The following MAP3K7CL variants were observed in gnomAD, a reference collection of about 807,000 sequenced individuals.
MAP3K7CL encodes MAP3K7 C-terminal like.
MAP3K7CL carries 16 observed loss-of-function variants against 18.6 expected under a neutral mutation model. The observed-to-expected ratio is 0.86, with a 90% CI of 0.58 to 1.31. MAP3K7CL has a LOEUF of 1.31. Among genes scored for constraint, MAP3K7CL ranks in the 50% most tolerant of loss-of-function variants. MAP3K7CL has a pLI of 0.00. For synonymous variants in MAP3K7CL, 65 were observed against 66.8 expected, an observed-to-expected ratio of 0.97 and a Z score of 0.13; for missense variants, 163 against 174.4, an observed-to-expected ratio of 0.93 and a Z score of 0.37.
At chr21:29,109,023 A>T in intron 4 of MAP3K7CL, 1 of 1,511,998 alleles carries the variant, frequency 6.6e-7, no homozygotes, top group East Asian at 2.5e-5. Context: ...GAATCAGAAA[A>T]TTCTACTTCC....
At chr21:29,140,105 C>G (rs1316878398) in intron 2 of MAP3K7CL, among the ~76,000 whole-genome samples, 1 of 152,118 alleles carries the variant, frequency 6.6e-6, no homozygotes, top group African/African-American at 2.4e-5. Flanking sequence ...TGACAACATT[C>G]AGTCACAAGT....
chr21:29,146,238 G>A (rs1241145745), intron 2 of MAP3K7CL, among the ~76,000 whole-genome samples: 3 of 152,114 alleles, frequency 2.0e-5, no homozygotes, highest in Non-Finnish European at 4.4e-5. Context: ...GCTTGTCTAT[G>A]ATTATTAGGG....
At chr21:29,093,024 C>T (rs2086057233) in intron 4 of MAP3K7CL, among the ~76,000 whole-genome samples, 1 of 152,192 alleles carries the variant, frequency 6.6e-6, no homozygotes, top group African/African-American at 2.4e-5. Flanking sequence ...CTGCTTCAGC[C>T]TCCTGAGTAG....
At chr21:29,106,402 G>A (rs1038573828) in intron 4 of MAP3K7CL, among the ~76,000 whole-genome samples, 1 of 152,096 alleles carries the variant, frequency 6.6e-6, no homozygotes, top group African/African-American at 2.4e-5. Flanking sequence ...GGCTGGTCTC[G>A]AATCCCTGAC....
At chr21:29,099,965 C>A (rs972815571) in intron 4 of MAP3K7CL, among the ~76,000 whole-genome samples, 1 of 152,068 alleles carries the variant, frequency 6.6e-6, no homozygotes, top group Non-Finnish European at 1.5e-5. Context: ...CGCCTGTAGT[C>A]CCAGCTACTC....
At chr21:29,102,251 T>C (rs1302313031) in intron 4 of MAP3K7CL, among the ~76,000 whole-genome samples, 1 of 152,204 alleles carries the variant, frequency 6.6e-6, no homozygotes, top group Non-Finnish European at 1.5e-5. Context: ...TCTTGTGCAG[T>C]GCACAAAAGG....
Position 29,130,742 on chromosome 21 carries a change from T to A in MAP3K7CL, c.-221T>A, listed in dbSNP as rs2086763795. 1.0e-6 allele frequency: 1 copy of A among 985,412 alleles called. No homozygotes were observed. The highest frequency in any genetic ancestry group is 1.7e-5 in the African/African-American group (1 of 57,228). 61.0% of individuals were successfully genotyped at this position (985,412 alleles called of 1,614,324 possible). A position where few individuals can be genotyped will look rare whatever the true frequency, so the allele number is the denominator to read the frequency against. On this transcript the variant is annotated 5_prime_UTR_variant, in exon 1 of 5. Transcript: ENST00000399928. ...GGAGGTCCCGTGGGACGCTGGGGTC[T>A]GGGGCAGAGCAGGTAGCAGCGTGCT...
upstream of MAP3K7CL, among the ~76,000 whole-genome samples, chr21:29,126,054 A>G (rs1487207862): frequency 2.6e-5 from 4 of 152,136 alleles, no homozygotes; most frequent in Non-Finnish European, 4.4e-5. Context: ...TTTTATGGGG[A>G]TGGAGTTGGG....
chr21:29,099,401 A>G (rs572434011), intron 4 of MAP3K7CL, among the ~76,000 whole-genome samples: 1 of 150,768 alleles, frequency 6.6e-6, no homozygotes, highest in East Asian at 2.0e-4. Context: ...CACTGCGCCC[A>G]GCTAAAATAC....
intron 4 of MAP3K7CL, among the ~76,000 whole-genome samples, chr21:29,171,310 A>G (rs2087820655): frequency 6.6e-6 from 1 of 152,338 alleles, no homozygotes; most frequent in Non-Finnish European, 1.5e-5. Flanking sequence ...AACTTTGTTT[A>G]TATGCGTATC....
chr21:29,121,291 A>G (rs549928001), intron 4 of MAP3K7CL, among the ~76,000 whole-genome samples: 2 of 152,076 alleles, frequency 1.3e-5, no homozygotes, highest in Admixed American at 1.3e-4. Flanking sequence ...TGGCCAACTC[A>G]TGGGAAAACT....
intron 2 of MAP3K7CL, among the ~76,000 whole-genome samples, chr21:29,135,027 G>A (rs2086853918): frequency 6.6e-6 from 1 of 150,740 alleles, no homozygotes; most frequent in Admixed American, 6.7e-5. Flanking sequence ...CTCCAGCCTG[G>A]GCAACAGAGC....
At chr21:29,089,441 T>C (rs1362685236) in intron 1 of MAP3K7CL, among the ~76,000 whole-genome samples, 4 of 152,246 alleles carry the variant, frequency 2.6e-5, no homozygotes, top group Non-Finnish European at 5.9e-5. Flanking sequence ...AATACGTATT[T>C]GTGCCCTTGT....
In MAP3K7CL at chr21:29,175,832, A is replaced by C. The variant is rs1015719799; in HGVS notation, c.*940A>C. The C allele has an allele frequency of 6.6e-6, 1 of 152,200 alleles. No homozygotes were observed. Among genetic ancestry groups the C allele is most frequent in the Non-Finnish European group, 1.5e-5 (1 of 68,032 alleles). 9.4% of individuals were successfully genotyped at this position (152,200 alleles called of 1,614,324 possible). A position where few individuals can be genotyped will look rare whatever the true frequency, so the allele number is the denominator to read the frequency against. ...ATTTTCTCAAATTGAACTCTTTGTT[A>C]TATGTCCATTTCTATTCATGTAACT... On this transcript the variant is annotated 3_prime_UTR_variant, in exon 5 of 5. Transcript: ENST00000399928.
intron 2 of MAP3K7CL, among the ~76,000 whole-genome samples, chr21:29,142,342 C>T (rs1012669967): frequency 3.3e-5 from 5 of 152,210 alleles, no homozygotes; most frequent in Non-Finnish European, 7.3e-5. Context: ...GCTGGAATTA[C>T]AGGCATGAGC....
intron 4 of MAP3K7CL, among the ~76,000 whole-genome samples, chr21:29,113,353 A>C (rs1167825189): frequency 6.6e-6 from 1 of 152,102 alleles, no homozygotes; most frequent in Non-Finnish European, 1.5e-5. Context: ...TTAGTTGGGA[A>C]ATTGTAATTT....
chr21:29,101,827 T>A (rs984642622), intron 4 of MAP3K7CL, among the ~76,000 whole-genome samples: 1 of 152,244 alleles, frequency 6.6e-6, no homozygotes, highest in African/African-American at 2.4e-5. Context: ...TATTTATTTA[T>A]AAGTTAACAC....
chr21:29,080,142 T>G (rs1292726470), intron 1 of MAP3K7CL, among the ~76,000 whole-genome samples: 2 of 152,220 alleles, frequency 1.3e-5, no homozygotes, highest in African/African-American at 4.8e-5. Context: ...GAACTAAAAC[T>G]GTGTTTATCA....
chr21:29,167,782 C>T lies in MAP3K7CL; in HGVS notation c.249-6930C>T, dbSNP rs184814751. Among the ~76,000 whole-genome samples, 12 of 150,978 alleles carry T rather than the reference C, an allele frequency of 7.9e-5. No homozygotes were observed. The East Asian group carries it at 2.2e-3, about 27-fold the overall frequency. On this transcript the variant is annotated intron_variant, in intron 4 of 4. Transcript: ENST00000399928. ...TGGCGCGATCTCGGCTCACTGCAAG[C>T]TCCATCTCCCCGGTTCATGCCATTC... is the stretch of plus-strand genomic sequence containing the variant.
Sources: gnomAD v4.1 joint callset for allele counts (sites outside exome capture counted in the v4.1 genomes callset) on GRCh38, gnomAD v4.1.1 for gene constraint, MANE v1.5 for transcripts, NCBI Gene and HGNC (gene_info 2026-07-23, HGNC 2026-07-21) for gene names.